Variants in TOX observed in about 807,000 individuals in gnomAD.
The protein encoded by TOX is thymocyte selection associated high mobility group box, also known as thymocyte selection-associated high mobility group box protein TOX.
TOX carries 11 observed loss-of-function variants against 53.7 expected under a neutral mutation model. The ratio of observed to expected loss-of-function variants is 0.20; its 90% CI spans 0.13 to 0.34. The LOEUF (loss-of-function observed/expected upper bound fraction) is 0.34. Ranked by LOEUF, TOX falls within the 10% of genes least tolerant of loss-of-function variation. The pLI, the probability that TOX is intolerant of heterozygous loss-of-function variation, is 1.00. For synonymous variants in TOX, 225 were observed against 245.3 expected (o/e 0.92, Z 0.77); for missense variants, 570 against 664.6 (o/e 0.86, Z 1.56).
At chr8:59,103,838 T>C (rs1166347520) in intron 1 of TOX, among the ~76,000 whole-genome samples, 1 of 152,212 alleles carries the variant, frequency 6.6e-6, no homozygotes, top group Non-Finnish European at 1.5e-5. Context: ...CTTGAGTAAA[T>C]ATTACTCCAC....
chr8:59,001,414 C>T (rs1813686591), intron 1 of TOX, among the ~76,000 whole-genome samples: 1 of 152,166 alleles, frequency 6.6e-6, no homozygotes, highest in African/African-American at 2.4e-5. Context: ...AAAAAATTCA[C>T]TCAGAAACAG....
chr8:58,854,370 TAC>T (rs1445667484), intron 3 of TOX, among the ~76,000 whole-genome samples: 1 of 152,182 alleles, frequency 6.6e-6, no homozygotes, highest in Non-Finnish European at 1.5e-5. Context: ...GATTTATGAC[TAC>T]AACTAAAAGT....
Position 59,087,526 on chromosome 8 carries a change from C to A in TOX, c.102+31360G>T, listed in dbSNP as rs139993185. On this transcript the variant is annotated intron_variant, in intron 1 of 8. Transcript: ENST00000361421. ...TCATAGGACTCCAGGTCTGTCCCCC[C>A]CTTTACTCTGTAGCAAACTACATAA... 4.6e-5 allele frequency among the ~76,000 whole-genome samples: 7 copies of A among 152,302 alleles called. No homozygotes were observed. In the South Asian group the frequency reaches 6.2e-4, roughly 14 times the overall value.
intron 1 of TOX, among the ~76,000 whole-genome samples, chr8:59,103,679 T>C (rs757532148): frequency 3.3e-5 from 5 of 152,228 alleles, no homozygotes; most frequent in Non-Finnish European, 5.9e-5. Flanking sequence ...AGCTTTGCTA[T>C]GTGGATACTG....
chr8:58,849,179 G>A (rs1363308725), intron 4 of TOX, among the ~76,000 whole-genome samples: 4 of 152,206 alleles, frequency 2.6e-5, no homozygotes, highest in Non-Finnish European at 4.4e-5. Context: ...TTGAATTGGA[G>A]ACAAGGTGAA....
rs79970472 is a variant in TOX, at chr8:59,017,991, G to A, written c.103-57983C>T. Among the ~76,000 whole-genome samples the A allele has an allele frequency of 5.9e-4, 90 of 152,146 alleles. 1 individual carries two copies. Among genetic ancestry groups the A allele is most frequent in the African/African-American group, 2.1e-3 (89 of 41,514 alleles). Reference sequence around the variant, plus strand: ...CTCCATTATACCAACAACCCCAATGGCAAACGATAGATACAAAGCACTGTT... The same window carrying A: ...CTCCATTATACCAACAACCCCAATGACAAACGATAGATACAAAGCACTGTT... On this transcript the variant is annotated intron_variant, in intron 1 of 8. Coordinates refer to ENST00000361421, the MANE Select transcript of TOX (RefSeq NM_014729.3).
intron 1 of TOX, among the ~76,000 whole-genome samples, chr8:59,102,353 G>A (rs113701915): frequency 0.011 from 1,602 of 152,110 alleles, 27 homozygotes; most frequent in African/African-American, 0.037. Flanking sequence ...TCAGCCTCCC[G>A]AGTAGCTGGG....
chr8:58,897,999 T>C lies in TOX; in HGVS notation c.411+41303A>G, dbSNP rs143844325. On this transcript the variant is annotated intron_variant, in intron 3 of 8. Coordinates refer to ENST00000361421, the MANE Select transcript of TOX (RefSeq NM_014729.3). The stretch of plus-strand genomic sequence containing the variant: ...AAACTAATAATTGGGTTCTAAACTA[T>C]AGCAATATCATAACATTTTAAGAAT... Among the ~76,000 whole-genome samples the C allele has an allele frequency of 3.2e-3, 486 of 152,302 alleles. 1 individual carries two copies. The highest frequency in any genetic ancestry group is 0.011 in the African/African-American group (458 of 41,572).
chr8:59,099,767 T>C (rs1032619792), intron 1 of TOX, among the ~76,000 whole-genome samples: 1 of 152,220 alleles, frequency 6.6e-6, no homozygotes. Context: ...TAAGTTGTTG[T>C]AATGTAATTA....
At chr8:58,962,144 G>C (rs1449779433) in intron 1 of TOX, among the ~76,000 whole-genome samples, 7 of 152,114 alleles carry the variant, frequency 4.6e-5, no homozygotes, top group African/African-American at 1.7e-4. Context: ...GCCAGCTAAA[G>C]GCTTTGAAGT....
chr8:59,027,040 G>C (rs1267173248), intron 1 of TOX, among the ~76,000 whole-genome samples: 1 of 152,158 alleles, frequency 6.6e-6, no homozygotes, highest in Admixed American at 6.5e-5. Context: ...CCATTGGCTA[G>C]TTCCCTGTTT....
At chr8:59,032,008 T>C (rs1258426581) in intron 1 of TOX, among the ~76,000 whole-genome samples, 3 of 152,210 alleles carry the variant, frequency 2.0e-5, no homozygotes, top group Non-Finnish European at 4.4e-5. Context: ...TCTCTCTATC[T>C]TCTGGGTGAA....
chr8:59,096,144 A>C (rs1309686263), intron 1 of TOX, among the ~76,000 whole-genome samples: 1 of 152,234 alleles, frequency 6.6e-6, no homozygotes, highest in Non-Finnish European at 1.5e-5. Flanking sequence ...CTAAAAGTAT[A>C]AATGGAAATG....
rs149663012 is a variant in TOX at position 58,923,378 on chromosome 8, G to A, written c.411+15924C>T. Among the ~76,000 whole-genome samples, 3 of 152,214 alleles carry A rather than the reference G, an allele frequency of 2.0e-5. No individual in the cohort carries two copies. In the East Asian group the frequency reaches 5.8e-4, roughly 29 times the overall value. On this transcript the variant is annotated intron_variant, in intron 3 of 8. Coordinates refer to ENST00000361421, the MANE Select transcript of TOX (RefSeq NM_014729.3). ...GCTCAGTTTGGGTAAGAAAATAACT[G>A]GGTGTCTGGAGTGACAGAAATAAGA...
chr8:58,945,170 A>G (rs1051273054), intron 2 of TOX, among the ~76,000 whole-genome samples: 2 of 152,098 alleles, frequency 1.3e-5, no homozygotes. Context: ...TCACAGTTCA[A>G]CTCCTACCAA....
intron 1 of TOX, among the ~76,000 whole-genome samples, chr8:59,104,853 T>G (rs1804869379): frequency 6.6e-6 from 1 of 152,166 alleles, no homozygotes; most frequent in Admixed American, 6.5e-5. Flanking sequence ...ACTTCAACTT[T>G]TCCTTTTATA....
At chr8:58,846,776 C>G (rs1810725996) in intron 4 of TOX, among the ~76,000 whole-genome samples, 1 of 152,078 alleles carries the variant, frequency 6.6e-6, no homozygotes, top group Non-Finnish European at 1.5e-5. Context: ...GTGCAATAGA[C>G]AGAAGACAAA....
At chr8:59,104,931 T>C (rs913955843) in intron 1 of TOX, among the ~76,000 whole-genome samples, 14 of 152,200 alleles carry the variant, frequency 9.2e-5, no homozygotes, top group African/African-American at 3.4e-4. Context: ...TAGTTATCTG[T>C]ATTCCTCTCT....
chr8:58,811,276 T>C (rs1462426778), intron 7 of TOX, among the ~76,000 whole-genome samples: 3 of 152,236 alleles, frequency 2.0e-5, no homozygotes, highest in Admixed American at 6.5e-5. Flanking sequence ...ATATTTTGCA[T>C]TTTAATACTC....
Sources: gnomAD v4.1 joint callset for allele counts (sites outside exome capture counted in the v4.1 genomes callset) on GRCh38, gnomAD v4.1.1 for gene constraint, MANE v1.5 for transcripts, NCBI Gene and HGNC (gene_info 2026-07-23, HGNC 2026-07-21) for gene names.